Variants in PPARA observed in about 807,000 individuals in gnomAD.
PPARA encodes the protein peroxisome proliferator activated receptor alpha.
Under a neutral mutation model 42.2 loss-of-function variants are expected in PPARA, and 22 were observed. The observed-to-expected ratio is 0.52, with a 90% CI of 0.37 to 0.74. PPARA has a LOEUF of 0.74. Ranked by LOEUF, PPARA falls within the 30% of genes least tolerant of loss-of-function variation. The pLI, the probability that PPARA is intolerant of heterozygous loss-of-function variation, is 0.00. For missense variants in PPARA, 465 were observed against 608.2 expected (o/e 0.76, Z 2.48); for synonymous variants, 242 against 239.3 (o/e 1.01, Z -0.10).
At chr22:46,205,555 T>TATATATATATATA (rs1491143261) in intron 4 of PPARA, among the ~76,000 whole-genome samples, 19 of 13,390 alleles carry the variant, frequency 1.4e-3, no homozygotes, top group Admixed American at 2.3e-3. Flanking sequence ...TATATATATA[T>TATATATATATATA]TTTTTTTTTT....
chr22:46,201,888 T>G lies in PPARA; in HGVS notation c.208+3297T>G, dbSNP rs1932855759. ...TAGAAAAATCTTTTCCTTATGGATT[T>G]GAAAAGATTTATCTTGCTTTTGTTT... On this transcript the variant is annotated intron_variant, in intron 4 of 8. Coordinates refer to ENST00000407236, the MANE Select transcript of PPARA (RefSeq NM_005036.6). Among the ~76,000 whole-genome samples the G allele has an allele frequency of 2.0e-5, 3 of 152,232 alleles. No individual in the cohort carries two copies. In the South Asian group the frequency reaches 6.2e-4, roughly 32 times the overall value.
intron 4 of PPARA, among the ~76,000 whole-genome samples, chr22:46,199,359 G>A (rs1413083016): frequency 1.3e-5 from 2 of 152,186 alleles, no homozygotes; most frequent in Admixed American, 6.5e-5. Flanking sequence ...TAGGCTAGGC[G>A]CGGTGGCTCA....
At chr22:46,218,935 G>T (rs1290431251) in intron 6 of PPARA, among the ~76,000 whole-genome samples, 1 of 151,942 alleles carries the variant, frequency 6.6e-6, no homozygotes, top group Non-Finnish European at 1.5e-5. Flanking sequence ...GCCGAGGCGG[G>T]TGGATCACTT....
intron 3 of PPARA, among the ~76,000 whole-genome samples, chr22:46,181,263 G>A (rs563115174): frequency 3.9e-5 from 6 of 152,294 alleles, no homozygotes; most frequent in South Asian, 4.1e-4. Context: ...CGGGAGGGCC[G>A]TGATGTGGGG....
At chr22:46,198,722 T>G (rs1032991178) in intron 4 of PPARA, 131 bp downstream of exon 4, 61 of 928,346 alleles carry the variant, frequency 6.6e-5, no homozygotes, top group South Asian at 1.6e-4. Context: ...GTGCAATGGC[T>G]CGATCTCGGC....
intron 2 of PPARA, among the ~76,000 whole-genome samples, chr22:46,159,901 G>T (rs1246581564): frequency 2.0e-5 from 3 of 152,248 alleles, no homozygotes; most frequent in Non-Finnish European, 4.4e-5. Context: ...GGTGGGTTGT[G>T]GGTGCCTAGT....
chr22:46,159,844 C>A (rs557876762), intron 2 of PPARA, among the ~76,000 whole-genome samples: 124 of 152,298 alleles, frequency 8.1e-4, no homozygotes, highest in Non-Finnish European at 1.5e-4. Flanking sequence ...CTGGCACTAA[C>A]AGCGTTCAAA....
intron 4 of PPARA, among the ~76,000 whole-genome samples, chr22:46,207,037 A>G (rs1933379684): frequency 6.6e-6 from 1 of 152,080 alleles, no homozygotes; most frequent in Non-Finnish European, 1.5e-5. Flanking sequence ...AGCCTGACCA[A>G]TAAGGTGAAA....
intron 7 of PPARA, among the ~76,000 whole-genome samples, chr22:46,220,835 T>C (rs4253758): frequency 0.42 from 63,192 of 151,520 alleles, 18,461 homozygotes; most frequent in African/African-American, 0.84. Context: ...TCCAGCTACT[T>C]GGGTGGCTTA....
At chr22:46,198,815 C>T (rs1932667155) in intron 4 of PPARA, among the ~76,000 whole-genome samples, 1 of 152,008 alleles carries the variant, frequency 6.6e-6, no homozygotes, top group Non-Finnish European at 1.5e-5. Flanking sequence ...TGCCCGCCAC[C>T]ACGCCCAGCT....
rs1476801858 is a variant in PPARA, at chr22:46,204,002, C to G, written c.208+5411C>G. Among the ~76,000 whole-genome samples the G allele has an allele frequency of 6.6e-6, 1 of 152,212 alleles. No homozygotes were observed. Among genetic ancestry groups the G allele is most frequent in the Non-Finnish European group, 1.5e-5 (1 of 68,022 alleles). The stretch of plus-strand genomic sequence containing the variant: ...TTGTGCTGTTTCTAATTCCTCTTTC[C>G]CCAGCCCCGTGCCTCCCTGCCTCCC... On this transcript the variant is annotated intron_variant, in intron 4 of 8. Transcript: ENST00000407236. The surrounding 1 kb of genome is among the most constrained non-coding windows in gnomAD (Gnocchi z 5.2).
rs1936296448 is a variant in PPARA at position 46,239,037 on chromosome 22, T to C, written c.*3657T>C. The C allele has an allele frequency of 6.6e-6, 1 of 152,158 alleles. No homozygotes were observed. The highest frequency in any genetic ancestry group is 2.4e-5 in the African/African-American group (1 of 41,430). The allele number at this position is 152,158 out of a possible 1,614,324, so 9.4% of individuals were successfully genotyped here. ...GGGTGTGTTTGCTATACGAACATAA[T>C]GGACGTGAAGTGGGGCAGAAACCCA... On this transcript the variant is annotated 3_prime_UTR_variant, in exon 9 of 9. Transcript: ENST00000407236.
At position 46,243,030 on chromosome 22, in the gene PPARA, G is replaced by A. The variant is rs980850949; in HGVS notation, c.*7650G>A. ...CCAAAGAACGCTGGCAATTGGAAAT[G>A]TCCTGATGGAAATTCTTTGCACGTG... On this transcript the variant is annotated 3_prime_UTR_variant, in exon 9 of 9. Transcript: ENST00000407236. The surrounding 1 kb of genome is among the most constrained non-coding windows in gnomAD (Gnocchi z 5.0). The A allele has an allele frequency of 2.0e-5, 3 of 152,664 alleles. No individual in the cohort carries two copies. Among genetic ancestry groups the A allele is most frequent in the Admixed American group, 2.0e-4 (3 of 15,280 alleles). The allele number at this position is 152,664 out of a possible 1,614,324, so 9.5% of individuals were successfully genotyped here.
intron 4 of PPARA, among the ~76,000 whole-genome samples, chr22:46,207,666 TTATTATTATTA>T: frequency 8.5e-6 from 1 of 116,962 alleles, no homozygotes; most frequent in Admixed American, 8.5e-5. Context: ...ATTATTATTA[TTATTATTATTA>T]TTTTTTTTTT....
chr22:46,198,581 G>A lies in PPARA; in HGVS notation c.198G>A (p.Ser66=), dbSNP rs369963518. Residue 66 remains serine (S), a synonymous_variant, in exon 4 of 9, where the codon TCG becomes TCA. Coordinates refer to ENST00000407236, the MANE Select transcript of PPARA (RefSeq NM_005036.6). ...YLGSCPGSDG[S]VITDTLSPAS... ...GAAGCTGTCCTGGCTCAGATGGCTC[G>A]GTCATCACGGGTAAGTGTGCCGTTT... 7 of 1,613,474 alleles carry A rather than the reference G, an allele frequency of 4.3e-6. No homozygotes were observed. In the African/African-American group the frequency reaches 5.3e-5, roughly 12 times the overall value.
At chr22:46,226,681 A>C (rs1935483764) in intron 7 of PPARA, among the ~76,000 whole-genome samples, 1 of 152,120 alleles carries the variant, frequency 6.6e-6, no homozygotes, top group Admixed American at 6.6e-5. Context: ...AAAAATAAGA[A>C]AGGCCGGCTT....
At position 46,162,786 on chromosome 22, in the gene PPARA, C is replaced by T. The variant is rs1455343354; in HGVS notation, c.-127+10816C>T. On this transcript the variant is annotated intron_variant, in intron 2 of 8. Coordinates refer to ENST00000407236, the MANE Select transcript of PPARA (RefSeq NM_005036.6). The surrounding 1 kb of genome is among the most constrained non-coding windows in gnomAD (Gnocchi z 6.0). ...CTCCTTCCTGAAGCCTTCCTTGCTGCTCCCCCAAACTAGAGGCAGGAGTTT... is the reference window on the plus strand; with the variant it reads ...CTCCTTCCTGAAGCCTTCCTTGCTGTTCCCCCAAACTAGAGGCAGGAGTTT... 6.6e-6 allele frequency among the ~76,000 whole-genome samples: 1 copy of T among 152,344 alleles called. No individual in the cohort carries two copies. The highest frequency in any genetic ancestry group is 2.4e-5 in the African/African-American group (1 of 41,586).
rs188534390 is a variant in PPARA, at chr22:46,216,120, C to T, written c.369+787C>T. On this transcript the variant is annotated intron_variant, in intron 5 of 8. Transcript: ENST00000407236. This position sits in a 1 kb window ranked among gnomAD's most constrained non-coding sequence, Gnocchi z 4.5. Reference sequence around the variant, plus strand: ...ACATTGGACCGGGTGCAGTGGCTCACGCCTATAATCTCAGCACTTTGGGAG... The same window carrying T: ...ACATTGGACCGGGTGCAGTGGCTCATGCCTATAATCTCAGCACTTTGGGAG... Among the ~76,000 whole-genome samples, 90 of 152,206 alleles carry T rather than the reference C, an allele frequency of 5.9e-4. 1 individual carries two copies. The highest frequency in any genetic ancestry group is 8.8e-4 in the Non-Finnish European group (60 of 68,002).
intron 3 of PPARA, among the ~76,000 whole-genome samples, chr22:46,178,769 G>C (rs1929534325): frequency 6.6e-6 from 1 of 152,178 alleles, no homozygotes; most frequent in Non-Finnish European, 1.5e-5. Flanking sequence ...GAACAGTGCA[G>C]GGATGTGAGT....
Sources: allele counts gnomAD v4.1 joint callset (sites outside exome capture counted in the v4.1 genomes callset), GRCh38; gene constraint gnomAD v4.1.1; non-coding constraint Gnocchi (gnomAD v3.1); transcripts MANE v1.5; gene names NCBI Gene and HGNC (gene_info 2026-07-23, HGNC 2026-07-21).